SUFU: variants seen among roughly 807,000 people sequenced by gnomAD.
The protein encoded by SUFU is suppressor of fused homolog.
SUFU carries 7 observed loss-of-function variants against 58.9 expected under a neutral mutation model. The observed-to-expected ratio is 0.12, with a 90% CI of 0.07 to 0.22. SUFU has a LOEUF of 0.22. Among genes scored for constraint, SUFU ranks in the 10% least tolerant of loss-of-function variants. The pLI is 1.00. For synonymous variants in SUFU, 232 were observed against 254.8 expected (o/e 0.91, Z 0.85); for missense variants, 451 against 641.3 (o/e 0.70, Z 3.20).
In SUFU at chr10:102,629,598, G is replaced by A. The variant is rs980034833; in HGVS notation, c.1366-468G>A. Among the ~76,000 whole-genome samples, 5 of 152,252 alleles carry A rather than the reference G, an allele frequency of 3.3e-5. No homozygotes were observed. The highest frequency in any genetic ancestry group is 3.3e-4 in the Admixed American group (5 of 15,292). ...GGCCTCCTTCCCTTTGGAGCCTTTG[G>A]CCAAGTATACAGAGGACAGGTTCCA... On this transcript the variant is annotated intron_variant, in intron 11 of 11. Transcript: ENST00000369902. This position sits in a 1 kb window ranked among gnomAD's most constrained non-coding sequence, Gnocchi z 4.7.
At chr10:102,592,281 G>A (rs918275433) in intron 3 of SUFU, among the ~76,000 whole-genome samples, 1 of 152,114 alleles carries the variant, frequency 6.6e-6, no homozygotes, top group South Asian at 2.1e-4. Flanking sequence ...ACCATGAGTC[G>A]GGATATTGGG....
At chr10:102,560,901 G>A (rs1187103692) in intron 3 of SUFU, among the ~76,000 whole-genome samples, 1 of 151,912 alleles carries the variant, frequency 6.6e-6, no homozygotes, top group Admixed American at 6.6e-5. Flanking sequence ...GCAATGGCGC[G>A]ATCTCGGCTC....
At chr10:102,618,850 G>A (rs1194295799) in intron 10 of SUFU, among the ~76,000 whole-genome samples, 1 of 152,018 alleles carries the variant, frequency 6.6e-6, no homozygotes, top group Admixed American at 6.6e-5. Flanking sequence ...CTGTCTCCTG[G>A]GCGGAGCTGC....
Position 102,617,290 on chromosome 10 carries a change from G to A in SUFU, c.1158G>A (p.Arg386=), listed in dbSNP as rs773979098. The change falls in exon 10 of 12, where the codon AGG becomes AGA. Residue 386 remains arginine (R), a splice_region_variant and synonymous_variant. Transcript: ENST00000369902. This position sits in a 1 kb window ranked among gnomAD's most constrained non-coding sequence, Gnocchi z 4.4. ...ACTGTCTCCATGTTCCCATCTCCAGGGGCAGGCTCCTGCATGGACGGCACT... is the reference window on the plus strand; with the variant it reads ...ACTGTCTCCATGTTCCCATCTCCAGAGGCAGGCTCCTGCATGGACGGCACT... ...ESGALIPLCL[R]GRLLHGRHFT... The A allele has an allele frequency of 4.3e-6, 7 of 1,614,178 alleles. No individual in the cohort carries two copies. Among genetic ancestry groups the A allele is most frequent in the Non-Finnish European group, 5.9e-6 (7 of 1,180,036 alleles).
intron 3 of SUFU, among the ~76,000 whole-genome samples, chr10:102,566,062 C>T (rs964303620): frequency 2.0e-5 from 3 of 152,190 alleles, no homozygotes; most frequent in Admixed American, 2.0e-4. Flanking sequence ...GACAGTAGAA[C>T]TAGCATCTCT....
rs1264958419 is a variant in SUFU at position 102,526,269 on chromosome 10, G to C, written c.317+16966G>C. ...TCTTAAAAAAATGAAAGTAAAGCAG[G>C]GCGCCAAGTGTGGTGACTCATGCCT... On this transcript the variant is annotated intron_variant, in intron 2 of 11. Coordinates refer to ENST00000369902, the MANE Select transcript of SUFU (RefSeq NM_016169.4). 2.6e-5 allele frequency among the ~76,000 whole-genome samples: 4 copies of C among 151,464 alleles called. No individual in the cohort carries two copies. In the East Asian group the frequency reaches 7.8e-4, roughly 30 times the overall value.
Position 102,632,148 on chromosome 10 carries a change from CT to C in SUFU, c.*1994del, listed in dbSNP as rs973836924. On this transcript the variant is annotated 3_prime_UTR_variant, in exon 12 of 12. Transcript: ENST00000369902. ...CGCCGTACTTCCATCTGCTGGGTGC[CT>C]CCATCGTTGGTTGGGTGGGGATGGG... 9.4e-5 allele frequency: 22 copies of C among 233,412 alleles called. No homozygotes were observed. The highest frequency in any genetic ancestry group is 4.6e-4 in the African/African-American group (21 of 45,460). 14.5% of individuals were successfully genotyped at this position (233,412 alleles called of 1,614,324 possible).
At position 102,562,439 on chromosome 10, in the gene SUFU, C is replaced by T. The variant is rs1290490883; in HGVS notation, c.454+12333C>T. Among the ~76,000 whole-genome samples, 5 of 151,982 alleles carry T rather than the reference C, an allele frequency of 3.3e-5. No homozygotes were observed. In the East Asian group the frequency reaches 5.8e-4, roughly 18 times the overall value. ...TCGGGAGGCTGAGGCAGGAGAATTG[C>T]TTGAACCTGGGAGGCAGAGGTTGCA... On this transcript the variant is annotated intron_variant, in intron 3 of 11. Transcript: ENST00000369902.
chr10:102,525,184 C>T (rs1189417279), intron 2 of SUFU, among the ~76,000 whole-genome samples: 2 of 150,756 alleles, frequency 1.3e-5, no homozygotes, highest in African/African-American at 4.9e-5. Flanking sequence ...AATCTCGGCT[C>T]ACTGCAACCT....
rs1186143585 is a variant in SUFU, at chr10:102,627,181, T to C, written c.1303T>C (p.Leu435=). Residue 435 remains leucine, a synonymous_variant, in exon 11 of 12, where the codon TTG becomes CTG. Transcript: ENST00000369902. Reference sequence around the variant, plus strand: ...CTGCCTTGTGCCTTCACAGATTCTGTTGACCGAAGAGTTTGTAGAGAAAAT... The same window carrying C: ...CTGCCTTGTGCCTTCACAGATTCTGCTGACCGAAGAGTTTGTAGAGAAAAT... ...AAHGPWLQIL[L]TEEFVEKMLE... is the part of the protein sequence containing the mutation. 6.2e-7 allele frequency: 1 copy of C among 1,614,258 alleles called. No homozygotes were observed.
In SUFU at chr10:102,592,621, G is replaced by C; in HGVS notation, c.494G>C (p.Ser165Thr). The part of the protein sequence containing the change: ...FCSGDHVSWH[S>T]PLDNSESRIQ... ...AGTGGGGACCATGTGTCCTGGCACAGCCCTTTGGATAACAGTGAGTCAAGA... is the reference window on the plus strand; with the variant it reads ...AGTGGGGACCATGTGTCCTGGCACACCCCTTTGGATAACAGTGAGTCAAGA... Residue 165 changes from serine (S) to threonine (T), a missense_variant, in exon 4 of 12, where the codon AGC becomes ACC. Coordinates refer to ENST00000369902, the MANE Select transcript of SUFU (RefSeq NM_016169.4). The C allele has an allele frequency of 6.2e-7, 1 of 1,614,194 alleles. No individual in the cohort carries two copies. The highest frequency in any genetic ancestry group is 8.5e-7 in the Non-Finnish European group (1 of 1,180,028).
At chr10:102,569,162 G>A (rs2063136420) in intron 3 of SUFU, among the ~76,000 whole-genome samples, 1 of 151,668 alleles carries the variant, frequency 6.6e-6, no homozygotes, top group South Asian at 2.1e-4. Flanking sequence ...AGTTTCTAAA[G>A]TGGGATTGTG....
At chr10:102,526,241 GTC>G (rs1239498045) in intron 2 of SUFU, among the ~76,000 whole-genome samples, 1 of 151,838 alleles carries the variant, frequency 6.6e-6, no homozygotes, top group African/African-American at 2.4e-5. Flanking sequence ...GGGAGACCCT[GTC>G]TCTTAAAAAA....
chr10:102,507,714 C>G (rs1246672870), intron 1 of SUFU, among the ~76,000 whole-genome samples: 1 of 152,246 alleles, frequency 6.6e-6, no homozygotes, highest in African/African-American at 2.4e-5. Flanking sequence ...TTGCCTGGTG[C>G]TGGCACCATT....
intron 2 of SUFU, among the ~76,000 whole-genome samples, chr10:102,537,466 G>T (rs745413469): frequency 8.5e-5 from 13 of 152,092 alleles, no homozygotes; most frequent in Admixed American, 2.6e-4. Flanking sequence ...TAGATTTACA[G>T]TTCAGTGGAA....
chr10:102,596,675 G>T (rs925966767), intron 6 of SUFU, among the ~76,000 whole-genome samples: 3 of 152,210 alleles, frequency 2.0e-5, no homozygotes, highest in Admixed American at 1.3e-4. Context: ...GTGGCCTGTT[G>T]CCTGTGGCAG....
intron 2 of SUFU, among the ~76,000 whole-genome samples, chr10:102,525,950 TTAGA>T (rs752702444): frequency 2.0e-5 from 3 of 152,166 alleles, no homozygotes; most frequent in Admixed American, 1.3e-4. Context: ...TTATATAGTT[TTAGA>T]TAGTACAAGT....
At chr10:102,537,207 AC>A (rs1310821087) in intron 2 of SUFU, among the ~76,000 whole-genome samples, 1 of 141,370 alleles carries the variant, frequency 7.1e-6, no homozygotes, top group Non-Finnish European at 1.5e-5. Flanking sequence ...GCCACAACTT[AC>A]TGCAGCCTGG....
intron 3 of SUFU, among the ~76,000 whole-genome samples, chr10:102,557,080 CA>C (rs911070742): frequency 6.7e-6 from 1 of 149,604 alleles, no homozygotes. Flanking sequence ...GACTCCCTCT[CA>C]AAAAAAAAGA....
Sources: gnomAD v4.1 joint callset for allele counts (sites outside exome capture counted in the v4.1 genomes callset) on GRCh38, gnomAD v4.1.1 for gene constraint, Gnocchi (gnomAD v3.1) non-coding constraint, MANE v1.5 for transcripts, NCBI Gene and HGNC (gene_info 2026-07-23, HGNC 2026-07-21) for gene names.